The following LRFN1 variants were observed in gnomAD, a reference collection of about 807,000 sequenced individuals.
LRFN1 encodes leucine rich repeat and fibronectin type III domain containing 1.
A neutral mutation model predicts 31.8 loss-of-function variants in LRFN1; 20 were observed. The observed-to-expected ratio is 0.63, with a 90% CI of 0.44 to 0.91. The LOEUF is 0.91. Ranked by LOEUF, LRFN1 falls within the 40% of genes least tolerant of loss-of-function variation. The pLI is 0.00. For missense variants in LRFN1, 912 were observed against 1,129.8 expected (o/e 0.81, Z 2.76); for synonymous variants, 514 against 541.3 (o/e 0.95, Z 0.70).
In LRFN1 at chr19:39,308,263, A is replaced by G; in HGVS notation, c.1686T>C (p.Tyr562=). 6.2e-7 allele frequency: 1 copy of G among 1,613,130 alleles called. No homozygotes were observed. The highest frequency in any genetic ancestry group is 2.2e-5 in the East Asian group (1 of 44,856). ...IVLLMIRYKV[Y]GDGDSRRVKG... is the part of the protein sequence containing the mutation. ...TGACGCGGCGGCTGTCCCCGTCGCC[A>G]TACACCTTATAGCGGATCATGAGCA... is the stretch of plus-strand genomic sequence containing the variant. The change falls in exon 5 of 5, where the codon TAT becomes TAC. Residue 562 remains tyrosine, a synonymous_variant. Transcript: ENST00000248668. This position sits in a 1 kb window ranked among gnomAD's most constrained non-coding sequence, Gnocchi z 6.2.
Position 39,307,629 on chromosome 19 carries a change from C to T in LRFN1, c.*4G>A. The T allele has an allele frequency of 7.2e-7, 1 of 1,394,010 alleles. No homozygotes were observed. The highest frequency in any genetic ancestry group is 9.2e-7 in the Non-Finnish European group (1 of 1,081,748). 86.4% of individuals were successfully genotyped at this position (1,394,010 alleles called of 1,614,324 possible). On this transcript the variant is annotated 3_prime_UTR_variant, in exon 5 of 5. Coordinates refer to ENST00000248668, the MANE Select transcript of LRFN1 (RefSeq NM_020862.2). This position sits in a 1 kb window ranked among gnomAD's most constrained non-coding sequence, Gnocchi z 6.7. The stretch of plus-strand genomic sequence containing the variant: ...ACCCAGGCGTCCCGGCGCCCGCCCG[C>T]CGCTCACACGGTACTCTCCAGCATC...
Position 39,308,397 on chromosome 19 carries a change from C to A in LRFN1, c.1552G>T (p.Ala518Ser). 6.2e-7 allele frequency: 1 copy of A among 1,611,366 alleles called. No individual in the cohort carries two copies. Among genetic ancestry groups the A allele is most frequent in the Non-Finnish European group, 8.5e-7 (1 of 1,179,254 alleles). ...GGGCGGCAGGGCGCCGGATCCCCAG[C>A]GGTGGTGAACTGTACACAGCCCACC... ...RVVGCVQFTT[A>S]GDPAPCRPLR... Residue 518 changes from alanine to serine, a missense_variant, in exon 5 of 5, where the codon GCT (alanine) becomes TCT (serine). Ala to Ser is a moderately conservative substitution (Grantham distance 99, BLOSUM62 1). Around this residue, in one of 2 missense-constraint regions of LRFN1, gnomAD observed 511 missense variants for 557.0 expected, o/e 0.92. Coordinates refer to ENST00000248668, the MANE Select transcript of LRFN1 (RefSeq NM_020862.2). This position sits in a 1 kb window ranked among gnomAD's most constrained non-coding sequence, Gnocchi z 6.2.
chr19:39,317,604 G>A (rs7250913), intron 2 of LRFN1, among the ~76,000 whole-genome samples: 2,453 of 152,182 alleles, frequency 0.016, 54 homozygotes, highest in African/African-American at 0.052. Flanking sequence ...GACAGAATCC[G>A]CCCTACTGCC....
Position 39,314,659 on chromosome 19 carries a change from C to T in LRFN1, c.678G>A (p.Pro226=), listed in dbSNP as rs756549866. ...DMTSNRLHKL[P]PDGLFLRSQG... ...GCGACCTCAGGAAGAGCCCGTCGGG[C>T]GGGAGTTTATGCAGGCGGTTGGAGG... is the stretch of plus-strand genomic sequence containing the variant. The change falls in exon 4 of 5, where the codon CCG becomes CCA. Residue 226 remains proline (P), a synonymous_variant. Transcript: ENST00000248668. 1.4e-5 allele frequency: 22 copies of T among 1,612,760 alleles called. No homozygotes were observed. Among genetic ancestry groups the T allele is most frequent in the Admixed American group, 1.7e-5 (1 of 59,784 alleles).
intron 1 of LRFN1, among the ~76,000 whole-genome samples, chr19:39,319,470 CAG>C (rs1191409303): frequency 6.6e-6 from 1 of 151,904 alleles, no homozygotes; most frequent in Non-Finnish European, 1.5e-5. Context: ...CACAAGCATA[CAG>C]ATACGAGGCT....
intron 4 of LRFN1, among the ~76,000 whole-genome samples, chr19:39,310,533 A>T (rs1429741190): frequency 1.3e-5 from 2 of 152,164 alleles, no homozygotes; most frequent in Admixed American, 1.3e-4. Context: ...TCTGTTGAGC[A>T]CATCGTTTCC....
rs979746578 is a variant in LRFN1 at position 39,308,599 on chromosome 19, C to T, written c.1407-57G>A. 9.0e-6 allele frequency: 13 copies of T among 1,440,502 alleles called. No individual in the cohort carries two copies. In the Admixed American group the frequency reaches 2.5e-4, roughly 28 times the overall value. The allele number at this position is 1,440,502 out of a possible 1,614,324, so 89.2% of individuals were successfully genotyped here. On this transcript the variant is annotated intron_variant, in intron 4 of 4. Coordinates refer to ENST00000248668, the MANE Select transcript of LRFN1 (RefSeq NM_020862.2). This position sits in a 1 kb window ranked among gnomAD's most constrained non-coding sequence, Gnocchi z 6.2. ...AGTCCCCCCGAACCACGCCCCTTCG[C>T]TTTATGCCCCGCCCATGGTGAACAG...
chr19:39,313,574 T>C (rs2075158401), intron 4 of LRFN1, among the ~76,000 whole-genome samples: 1 of 152,160 alleles, frequency 6.6e-6, no homozygotes, highest in Admixed American at 6.5e-5. Context: ...TGTGTGTGTG[T>C]GTTTCATGCT....
At chr19:39,316,749 C>T (rs1273055841) in intron 2 of LRFN1, among the ~76,000 whole-genome samples, 1 of 152,198 alleles carries the variant, frequency 6.6e-6, no homozygotes, top group Non-Finnish European at 1.5e-5. Flanking sequence ...GTCTCTGCTC[C>T]AGGCAAAACC....
intron 4 of LRFN1, among the ~76,000 whole-genome samples, chr19:39,311,896 T>C (rs1177819055): frequency 6.7e-6 from 1 of 148,670 alleles, no homozygotes; most frequent in African/African-American, 2.5e-5. Flanking sequence ...TTTTTTTTTT[T>C]TTCCAGAGGG....
At position 39,314,344 on chromosome 19, in the gene LRFN1, C is replaced by T. The variant is rs1330238662; in HGVS notation, c.993G>A (p.Val331=). The T allele has an allele frequency of 1.9e-6, 3 of 1,597,094 alleles. No homozygotes were observed. The highest frequency in any genetic ancestry group is 2.6e-6 in the Non-Finnish European group (3 of 1,172,580). ...GCCGCCCATCAGGTGCCACCCAGTG[C>T]ACCACCGGCTCGGGGTCACCCACCG... ...CRAVGDPEPV[V]HWVAPDGRLL... is the part of the protein sequence containing the mutation. Residue 331 remains valine, a synonymous_variant, in exon 4 of 5, where the codon GTG becomes GTA. Transcript: ENST00000248668.
In LRFN1 at chr19:39,307,999, C is replaced by T. The variant is rs1255822743; in HGVS notation, c.1950G>A (p.Leu650=). The change falls in exon 5 of 5, where the codon CTG becomes CTA. Residue 650 remains leucine (L), a synonymous_variant. Transcript: ENST00000248668. This position sits in a 1 kb window ranked among gnomAD's most constrained non-coding sequence, Gnocchi z 6.7. The part of the protein sequence containing the change: ...GRSLGGSATS[L]CLLPSEETSG... ...AAGTTTCCTCGGATGGCAGCAGGCA[C>T]AGCGAGGTGGCCGAGCCGCCCAGAG... is the stretch of plus-strand genomic sequence containing the variant. 6.3e-7 allele frequency: 1 copy of T among 1,575,202 alleles called. No individual in the cohort carries two copies. Among genetic ancestry groups the T allele is most frequent in the African/African-American group, 1.4e-5 (1 of 73,080 alleles).
chr19:39,312,216 T>C (rs1652747166), intron 4 of LRFN1, among the ~76,000 whole-genome samples: 1 of 151,712 alleles, frequency 6.6e-6, no homozygotes, highest in African/African-American at 2.4e-5. Flanking sequence ...GCACCTACTA[T>C]GTGCCACACC....
intron 1 of LRFN1, among the ~76,000 whole-genome samples, chr19:39,318,961 G>T (rs548104874): frequency 6.6e-6 from 1 of 152,310 alleles, no homozygotes; most frequent in Admixed American, 6.5e-5. Flanking sequence ...GTATACCAGA[G>T]GTCATGCCAC....
At chr19:39,312,750 T>C (rs1222478891) in intron 4 of LRFN1, among the ~76,000 whole-genome samples, 1 of 148,378 alleles carries the variant, frequency 6.7e-6, no homozygotes, top group Admixed American at 6.8e-5. Context: ...TGCAGTGAGC[T>C]ATGATCATAC....
At chr19:39,319,042 C>T (rs1277950274) in intron 1 of LRFN1, among the ~76,000 whole-genome samples, 5 of 152,230 alleles carry the variant, frequency 3.3e-5, no homozygotes, top group Non-Finnish European at 7.3e-5. Flanking sequence ...ATGTGTCTTT[C>T]ACATACATGT....
chr19:39,309,515 G>C (rs2145030066), intron 4 of LRFN1, among the ~76,000 whole-genome samples: 1 of 113,988 alleles, frequency 8.8e-6, no homozygotes, highest in Non-Finnish European at 1.6e-5. Context: ...AAACCATCTA[G>C]CTTTGTCTAT....
chr19:39,315,797 C>T lies in LRFN1; in HGVS notation c.-38+285G>A, dbSNP rs1020202281. On this transcript the variant is annotated intron_variant, in intron 3 of 4. Transcript: ENST00000248668. This position sits in a 1 kb window ranked among gnomAD's most constrained non-coding sequence, Gnocchi z 4.7. ...TCACACCATTGCAATCCAGTCTGGG[C>T]GACAGAGCAAGACTCCATCTTAAAA... Among the ~76,000 whole-genome samples, 5 of 152,120 alleles carry T rather than the reference C, an allele frequency of 3.3e-5. 1 individual carries two copies. The highest frequency in any genetic ancestry group is 1.3e-4 in the Admixed American group (2 of 15,270).
Position 39,308,513 on chromosome 19 carries a change from A to G in LRFN1, c.1436T>C (p.Leu479Pro). ...ACGGCCCGCCGCCAGGTCATTCACC[A>G]GGAAGGTCTGACTGGTGGACGGGAT... ...RMIPSTSQTF[L>P]VNDLAAGRAY... The change falls in exon 5 of 5, where the codon CTG becomes CCG. Residue 479 changes from leucine (L) to proline (P), a missense_variant. Physicochemically the swap from Leu to Pro is moderately conservative, Grantham distance 98. Coordinates refer to ENST00000248668, the MANE Select transcript of LRFN1 (RefSeq NM_020862.2). This position sits in a 1 kb window ranked among gnomAD's most constrained non-coding sequence, Gnocchi z 6.2. 9.0e-6 allele frequency: 14 copies of G among 1,557,342 alleles called. No homozygotes were observed. The highest frequency in any genetic ancestry group is 1.2e-5 in the Non-Finnish European group (14 of 1,152,378).
Sources: gnomAD v4.1 joint callset for allele counts (sites outside exome capture counted in the v4.1 genomes callset) on GRCh38, gnomAD v4.1.1 for gene constraint, gnomAD v4.1.1 regional missense constraint, Gnocchi (gnomAD v3.1) non-coding constraint, MANE v1.5 for transcripts, NCBI Gene and HGNC (gene_info 2026-07-23, HGNC 2026-07-21) for gene names.